Variants in HPCAL1 observed in about 807,000 individuals in gnomAD.
The protein encoded by HPCAL1 is hippocalcin like 1.
Under a neutral mutation model 17.1 loss-of-function variants are expected in HPCAL1, and 8 were observed. The ratio of observed to expected loss-of-function variants is 0.47; its 90% CI spans 0.27 to 0.84. The LOEUF (loss-of-function observed/expected upper bound fraction) is 0.84. Ranked by LOEUF, HPCAL1 falls within the 40% of genes least tolerant of loss-of-function variation. The pLI is 0.13. For synonymous variants in HPCAL1, 112 were observed against 111.4 expected, an observed-to-expected ratio of 1.01 and a Z score of -0.03; for missense variants, 165 against 271.1, an observed-to-expected ratio of 0.61 and a Z score of 2.75.
In HPCAL1 at chr2:10,384,516, C is replaced by A. The variant is rs1430168400; in HGVS notation, c.-110-12319C>A. 6.6e-6 allele frequency among the ~76,000 whole-genome samples: 1 copy of A among 152,086 alleles called. No homozygotes were observed. The highest frequency in any genetic ancestry group is 2.4e-5 in the African/African-American group (1 of 41,434). On this transcript the variant is annotated intron_variant, in intron 1 of 4. Coordinates refer to ENST00000307845, the MANE Select transcript of HPCAL1 (RefSeq NM_002149.4). The surrounding 1 kb of genome is among the most constrained non-coding windows in gnomAD (Gnocchi z 4.4). ...CTGTGCTGGGCACTGGGGCAAGGCC[C>A]CCTCCCCCATGGGGCTACAGATGCT... is the stretch of plus-strand genomic sequence containing the variant.
intron 1 of HPCAL1, among the ~76,000 whole-genome samples, chr2:10,321,705 A>C (rs2125403475): frequency 6.6e-6 from 1 of 152,312 alleles, no homozygotes; most frequent in Admixed American, 6.5e-5. Flanking sequence ...ATTTTATATC[A>C]AGGAAATCAT....
At chr2:10,334,822 A>G (rs1265318011) in intron 1 of HPCAL1, among the ~76,000 whole-genome samples, 1 of 152,024 alleles carries the variant, frequency 6.6e-6, no homozygotes, top group Non-Finnish European at 1.5e-5. Flanking sequence ...AGTAGCTAGG[A>G]CTACAGGTAC....
At chr2:10,329,557 A>G (rs1187649278) in intron 1 of HPCAL1, among the ~76,000 whole-genome samples, 3 of 152,226 alleles carry the variant, frequency 2.0e-5, no homozygotes, top group Admixed American at 1.3e-4. Flanking sequence ...CCCCAGAGGA[A>G]CCAGCCCTAC....
chr2:10,308,181 G>C (rs989539991), intron 1 of HPCAL1, among the ~76,000 whole-genome samples: 1 of 152,120 alleles, frequency 6.6e-6, no homozygotes, highest in African/African-American at 2.4e-5. Context: ...GGTTGGAGTT[G>C]GGGCTGGATT....
intron 1 of HPCAL1, among the ~76,000 whole-genome samples, chr2:10,311,308 G>A (rs1365755641): frequency 6.6e-6 from 1 of 152,226 alleles, no homozygotes; most frequent in Non-Finnish European, 1.5e-5. Flanking sequence ...GGCTGCCGTG[G>A]CTTCTCTGTG....
intron 2 of HPCAL1, among the ~76,000 whole-genome samples, chr2:10,399,251 C>T (rs1558517558): frequency 1.4e-5 from 2 of 143,506 alleles, no homozygotes; most frequent in African/African-American, 2.5e-5. Flanking sequence ...TCACCACCAC[C>T]ACCACCACCA....
At chr2:10,336,596 C>G (rs1156803589) in intron 1 of HPCAL1, among the ~76,000 whole-genome samples, 1 of 152,226 alleles carries the variant, frequency 6.6e-6, no homozygotes, top group African/African-American at 2.4e-5. Context: ...AATTCTTTGT[C>G]CCTCAAGTGA....
chr2:10,400,717 C>A (rs1206258092), intron 2 of HPCAL1, among the ~76,000 whole-genome samples: 1 of 152,180 alleles, frequency 6.6e-6, no homozygotes, highest in Non-Finnish European at 1.5e-5. Flanking sequence ...TCCTGTCTGA[C>A]AAGCATTGTG....
At chr2:10,390,153 G>A (rs1481679985) in intron 1 of HPCAL1, among the ~76,000 whole-genome samples, 1 of 152,144 alleles carries the variant, frequency 6.6e-6, no homozygotes, top group Admixed American at 6.5e-5. Context: ...ATGACCACTC[G>A]CGGCTCAGGT....
rs1473904638 is a variant in HPCAL1, at chr2:10,354,159, C to T, written c.-110-42676C>T. On this transcript the variant is annotated intron_variant, in intron 1 of 4. Transcript: ENST00000307845. The surrounding 1 kb of genome is among the most constrained non-coding windows in gnomAD (Gnocchi z 5.1). Reference sequence around the variant, plus strand: ...TATGTAGTTCTACTGCTTAATCCTTCCTTAACTTGCTCTTCCTGAAGCCTC... The same window carrying T: ...TATGTAGTTCTACTGCTTAATCCTTTCTTAACTTGCTCTTCCTGAAGCCTC... The T allele has an allele frequency of 2.6e-5, 4 of 152,232 alleles. No individual in the cohort carries two copies. The highest frequency in any genetic ancestry group is 5.9e-5 in the Non-Finnish European group (4 of 68,066). 9.4% of individuals were successfully genotyped at this position (152,232 alleles called of 1,614,324 possible).
At chr2:10,392,131 C>T (rs532042278) in intron 1 of HPCAL1, among the ~76,000 whole-genome samples, 7 of 152,192 alleles carry the variant, frequency 4.6e-5, no homozygotes, top group Non-Finnish European at 1.0e-4. Flanking sequence ...CAGCCTTGAA[C>T]TCCTGGGCTC....
rs7568358 is a variant in HPCAL1 at position 10,419,142 on chromosome 2, C to T, written c.-24-592C>T. The stretch of plus-strand genomic sequence containing the variant: ...AGGAGAATTGCTTGAACCTGGGAGG[C>T]GGAGGTTACAGTGAGCTGTGATCCT... On this transcript the variant is annotated intron_variant, in intron 2 of 4. Transcript: ENST00000307845. The surrounding 1 kb of genome is among the most constrained non-coding windows in gnomAD (Gnocchi z 5.0). Among the ~76,000 whole-genome samples, 15,248 of 152,032 alleles carry T rather than the reference C, an allele frequency of 0.1. 2,520 individuals are homozygous for T. The highest frequency in any genetic ancestry group is 0.35 in the African/African-American group (14,357 of 41,382).
rs1177759625 is a variant in HPCAL1, at chr2:10,337,974, C to G, written c.-111+34797C>G. ...TCACTGGACTTGGGGAGGGGATTTA[C>G]TATTTTTAGAGAAAGTCAGGGGAGC... is the stretch of plus-strand genomic sequence containing the variant. On this transcript the variant is annotated intron_variant, in intron 1 of 4. Coordinates refer to ENST00000307845, the MANE Select transcript of HPCAL1 (RefSeq NM_002149.4). Among the ~76,000 whole-genome samples the G allele has an allele frequency of 2.6e-5, 4 of 152,158 alleles. No individual in the cohort carries two copies. In the East Asian group the frequency reaches 5.8e-4, roughly 22 times the overall value.
At chr2:10,318,690 C>G (rs1663480518) in intron 1 of HPCAL1, among the ~76,000 whole-genome samples, 1 of 152,198 alleles carries the variant, frequency 6.6e-6, no homozygotes, top group Non-Finnish European at 1.5e-5. Context: ...GTGCCACGGG[C>G]TTAGAGACTT....
At chr2:10,315,135 CA>C (rs572579705) in intron 1 of HPCAL1, among the ~76,000 whole-genome samples, 1 of 151,614 alleles carries the variant, frequency 6.6e-6, no homozygotes, top group South Asian at 2.1e-4. Context: ...ACTAAAAATA[CA>C]AAAAAAATTA....
At chr2:10,347,965 A>C (rs566323210) in intron 1 of HPCAL1, among the ~76,000 whole-genome samples, 1 of 152,350 alleles carries the variant, frequency 6.6e-6, no homozygotes, top group East Asian at 1.9e-4. Flanking sequence ...TGGTATCTTC[A>C]TAAGTCACTC....
rs113986220 is a variant in HPCAL1 at position 10,415,233 on chromosome 2, C to T, written c.-24-4501C>T. Among the ~76,000 whole-genome samples, 1,463 of 152,214 alleles carry T rather than the reference C, an allele frequency of 9.6e-3. 8 individuals carry two copies. The highest frequency in any genetic ancestry group is 0.015 in the Non-Finnish European group (998 of 68,002). ...GAGGGCCGGCCCTGGGCTGGGTGTG[C>T]CTCACGCTGCCTGGGAGCCTCAGGC... On this transcript the variant is annotated intron_variant, in intron 2 of 4. Transcript: ENST00000307845.
Position 10,355,222 on chromosome 2 carries a change from C to T in HPCAL1, c.-110-41613C>T, listed in dbSNP as rs559996809. On this transcript the variant is annotated intron_variant, in intron 1 of 4. Transcript: ENST00000307845. ...ATCCCAGCACTTTGGGAGGCCGAGG[C>T]GGGCGGATCACGAGGTCAGGAGATC... Among the ~76,000 whole-genome samples the T allele has an allele frequency of 1.6e-4, 25 of 151,980 alleles. 1 individual carries two copies. The highest frequency in any genetic ancestry group is 4.6e-4 in the African/African-American group (19 of 41,478).
In HPCAL1 at chr2:10,419,982, C is replaced by G. The variant is rs914026414; in HGVS notation, c.225C>G (p.Asn75Lys). ...ACGTCTTCCGCACCTTCGACACCAA[C>G]GGCGACGGCACCATCGACTTCCGGG... ...AEHVFRTFDT[N>K]GDGTIDFREF... The change falls in exon 3 of 5, where the codon AAC becomes AAG. Residue 75 changes from asparagine (N) to lysine (K), a missense_variant. Physicochemically the swap from Asn to Lys is moderately conservative, Grantham distance 94. Coordinates refer to ENST00000307845, the MANE Select transcript of HPCAL1 (RefSeq NM_002149.4). This position sits in a 1 kb window ranked among gnomAD's most constrained non-coding sequence, Gnocchi z 5.0. The G allele has an allele frequency of 2.5e-6, 4 of 1,614,018 alleles. No homozygotes were observed. Among genetic ancestry groups the G allele is most frequent in the African/African-American group, 1.3e-5 (1 of 75,062 alleles).
Sources: allele counts gnomAD v4.1 joint callset (sites outside exome capture counted in the v4.1 genomes callset), GRCh38; gene constraint gnomAD v4.1.1; non-coding constraint Gnocchi (gnomAD v3.1); transcripts MANE v1.5; gene names NCBI Gene and HGNC (gene_info 2026-07-23, HGNC 2026-07-21).